Variants in CYFIP2 observed in about 807,000 individuals in gnomAD.
CYFIP2 encodes cytoplasmic FMR1 interacting protein 2.
CYFIP2 carries 29 observed loss-of-function variants against 158.7 expected under a neutral mutation model. The ratio of observed to expected loss-of-function variants is 0.18; its 90% CI spans 0.14 to 0.25. The LOEUF is 0.25. CYFIP2 is among the 10% of genes least tolerant of loss of function. The probability of loss-of-function intolerance (pLI) is 1.00; values close to 1 mark genes in which losing one functional copy is unlikely to be tolerated. For synonymous variants in CYFIP2, 585 were observed against 617.6 expected, an observed-to-expected ratio of 0.95 and a Z score of 0.78; for missense variants, 852 against 1,639.5, an observed-to-expected ratio of 0.52 and a Z score of 8.29.
Position 157,345,194 on chromosome 5 carries a change from G to T in CYFIP2, c.2673+4037G>T, listed in dbSNP as rs150267724. On this transcript the variant is annotated intron_variant, in intron 23 of 30. Coordinates refer to ENST00000620254, the MANE Select transcript of CYFIP2 (RefSeq NM_001037333.3). ...AATACACTTTCGACCACGATGAAAA[G>T]AGCTTAATTCATTATAGGCAGCCAC... Among the ~76,000 whole-genome samples the T allele has an allele frequency of 6.2e-3, 943 of 152,266 alleles. 14 individuals are homozygous for T. The highest frequency in any genetic ancestry group is 0.022 in the African/African-American group (895 of 41,550).
chr5:157,328,548 G>T (rs909834417), intron 19 of CYFIP2, among the ~76,000 whole-genome samples: 3 of 152,192 alleles, frequency 2.0e-5, no homozygotes, highest in Admixed American at 2.0e-4. Context: ...GGCTGTGGGA[G>T]GATTCCTGTG....
intron 26 of CYFIP2, among the ~76,000 whole-genome samples, chr5:157,377,765 G>C (rs374946686): frequency 6.6e-6 from 1 of 152,192 alleles, no homozygotes; most frequent in East Asian, 1.9e-4. Flanking sequence ...CATGTTCTCT[G>C]TATTCTTGCT....
chr5:157,333,974 A>G (rs1761671753), intron 21 of CYFIP2, among the ~76,000 whole-genome samples: 1 of 149,632 alleles, frequency 6.7e-6, no homozygotes, highest in African/African-American at 2.4e-5. Flanking sequence ...CAGCAATTAA[A>G]ACGACTCTCT....
chr5:157,347,320 AAG>A (rs1762768453), intron 23 of CYFIP2, among the ~76,000 whole-genome samples: 1 of 151,560 alleles, frequency 6.6e-6, no homozygotes, highest in Admixed American at 6.6e-5. Flanking sequence ...AAAAAAAAAA[AAG>A]AGCCGCCTTG....
intron 23 of CYFIP2, among the ~76,000 whole-genome samples, chr5:157,352,295 C>T (rs1187205309): frequency 6.6e-6 from 1 of 152,212 alleles, no homozygotes; most frequent in Non-Finnish European, 1.5e-5. Context: ...CATACTACCA[C>T]AGTGCCTCCC....
intron 3 of CYFIP2, among the ~76,000 whole-genome samples, chr5:157,294,581 T>C (rs1580993705): frequency 1.3e-5 from 2 of 152,278 alleles, no homozygotes; most frequent in South Asian, 2.1e-4. Flanking sequence ...ATGTGAGTCA[T>C]CTGGGAATTT....
intron 3 of CYFIP2, among the ~76,000 whole-genome samples, chr5:157,294,188 A>C (rs1308387753): frequency 6.6e-6 from 1 of 152,158 alleles, no homozygotes; most frequent in African/African-American, 2.4e-5. Context: ...GCCTTTCATT[A>C]GTTTTACAAA....
chr5:157,339,933 G>A (rs910877781), intron 22 of CYFIP2, among the ~76,000 whole-genome samples: 5 of 152,192 alleles, frequency 3.3e-5, no homozygotes, highest in Non-Finnish European at 7.3e-5. Flanking sequence ...TACAGGCCAG[G>A]GCAGGATCGT....
intron 23 of CYFIP2, among the ~76,000 whole-genome samples, chr5:157,350,376 G>A (rs529314149): frequency 1.3e-5 from 2 of 152,292 alleles, no homozygotes; most frequent in South Asian, 4.1e-4. Context: ...TTGTTGAAAA[G>A]GGTGTCTGTC....
chr5:157,361,379 A>C lies in CYFIP2; in HGVS notation c.2909-89A>C. 6.4e-7 allele frequency: 1 copy of C among 1,561,682 alleles called. No homozygotes were observed. Among genetic ancestry groups the C allele is most frequent in the Non-Finnish European group, 8.8e-7 (1 of 1,141,850 alleles). ...TTTGGCTTTTTGCTATCCCAGAGTC[A>C]GGTCTGGGGCTGCCACTCAGTCATT... On this transcript the variant is annotated intron_variant, in intron 25 of 30. Transcript: ENST00000620254. This position sits in a 1 kb window ranked among gnomAD's most constrained non-coding sequence, Gnocchi z 4.4.
At chr5:157,321,895 G>A (rs534413672) in intron 15 of CYFIP2, among the ~76,000 whole-genome samples, 5 of 152,222 alleles carry the variant, frequency 3.3e-5, no homozygotes, top group Non-Finnish European at 7.3e-5. Context: ...CAAGGGTTGA[G>A]GTCCGGGAGA....
intron 19 of CYFIP2, among the ~76,000 whole-genome samples, chr5:157,329,459 G>A (rs1761274797): frequency 6.6e-6 from 1 of 152,214 alleles, no homozygotes; most frequent in Non-Finnish European, 1.5e-5. Context: ...GGGAAGTTGA[G>A]GAGGTTGAGA....
intron 11 of CYFIP2, among the ~76,000 whole-genome samples, chr5:157,313,011 C>G (rs990170578): frequency 6.6e-6 from 1 of 152,160 alleles, no homozygotes; most frequent in African/African-American, 2.4e-5. Flanking sequence ...TGCACCCAGC[C>G]AGAACTCTTA....
chr5:157,308,729 A>AG (rs1759449302), intron 9 of CYFIP2, among the ~76,000 whole-genome samples: 1 of 152,130 alleles, frequency 6.6e-6, no homozygotes, highest in Admixed American at 6.5e-5. Flanking sequence ...GCTTGTTTTC[A>AG]AGGGTGGAAC....
At chr5:157,322,519 T>C (rs1344569142) in intron 15 of CYFIP2, among the ~76,000 whole-genome samples, 2 of 152,234 alleles carry the variant, frequency 1.3e-5, no homozygotes, top group African/African-American at 4.8e-5. Flanking sequence ...ATTCTTCCTT[T>C]GAGGACTTGA....
chr5:157,344,151 T>C (rs1196613685), intron 23 of CYFIP2, among the ~76,000 whole-genome samples: 3 of 152,290 alleles, frequency 2.0e-5, no homozygotes, highest in South Asian at 2.1e-4. Context: ...GTTTGTTTTT[T>C]CAAAGCCAGC....
chr5:157,352,589 A>G (rs542864092), intron 23 of CYFIP2, among the ~76,000 whole-genome samples: 6 of 152,316 alleles, frequency 3.9e-5, no homozygotes, highest in Non-Finnish European at 8.8e-5. Flanking sequence ...GCAGAATTTC[A>G]TCTTGTATCT....
At chr5:157,321,009 A>G (rs1760551061) in intron 15 of CYFIP2, among the ~76,000 whole-genome samples, 1 of 152,250 alleles carries the variant, frequency 6.6e-6, no homozygotes, top group Admixed American at 6.5e-5. Flanking sequence ...CCTGGATTCT[A>G]GTCCTAGATA....
chr5:157,377,011 G>A (rs1386400136), intron 26 of CYFIP2: 4 of 395,820 alleles, frequency 1.0e-5, no homozygotes, highest in Non-Finnish European at 2.1e-5. Flanking sequence ...CTGGGCAGGG[G>A]TCCTTTTACT....
Sources: gnomAD v4.1 joint callset for allele counts (sites outside exome capture counted in the v4.1 genomes callset) on GRCh38, gnomAD v4.1.1 for gene constraint, Gnocchi (gnomAD v3.1) non-coding constraint, MANE v1.5 for transcripts, NCBI Gene and HGNC (gene_info 2026-07-23, HGNC 2026-07-21) for gene names.